The following LRRTM4 variants were observed in gnomAD, a reference collection of about 807,000 sequenced individuals.
The protein encoded by LRRTM4 is leucine-rich repeat transmembrane neuronal protein 4.
A neutral mutation model predicts 47.6 loss-of-function variants in LRRTM4; 25 were observed. That is an observed-to-expected ratio of 0.53 (90% CI 0.38 to 0.73). The LOEUF is 0.73. Ranked by LOEUF, LRRTM4 falls within the 30% of genes least tolerant of loss-of-function variation. The pLI is 0.00. For synonymous variants in LRRTM4, 311 were observed against 269.5 expected (o/e 1.15, Z -1.51); for missense variants, 638 against 713.4 (o/e 0.89, Z 1.20).
At chr2:77,477,679 T>TA (rs997125494) in intron 3 of LRRTM4, among the ~76,000 whole-genome samples, 9 of 150,516 alleles carry the variant, frequency 6.0e-5, no homozygotes, top group African/African-American at 1.9e-4. Context: ...CCGTCTCCAC[T>TA]AAAAAAAAGA....
intron 3 of LRRTM4, among the ~76,000 whole-genome samples, chr2:76,978,509 G>T (rs1179995248): frequency 1.3e-5 from 2 of 151,982 alleles, no homozygotes; most frequent in East Asian, 3.9e-4. Context: ...CTAGCTTAAG[G>T]CTATTGCATT....
intron 3 of LRRTM4, among the ~76,000 whole-genome samples, chr2:77,259,722 G>A (rs1675866959): frequency 6.6e-6 from 1 of 152,006 alleles, no homozygotes. Flanking sequence ...ATCCAGGAAT[G>A]GAGAAAAATG....
intron 3 of LRRTM4, among the ~76,000 whole-genome samples, chr2:76,932,220 T>C (rs1366007963): frequency 6.6e-6 from 1 of 152,096 alleles, no homozygotes; most frequent in Non-Finnish European, 1.5e-5. Context: ...AAACCTGAAA[T>C]GACTGAACCT....
intron 3 of LRRTM4, among the ~76,000 whole-genome samples, chr2:77,499,382 T>C (rs1243910192): frequency 6.6e-6 from 1 of 151,946 alleles, no homozygotes; most frequent in Non-Finnish European, 1.5e-5. Flanking sequence ...TCTAAGTCCC[T>C]GAGGTCACAT....
chr2:76,838,570 C>T (rs1671583429), intron 3 of LRRTM4, among the ~76,000 whole-genome samples: 1 of 152,012 alleles, frequency 6.6e-6, no homozygotes, highest in African/African-American at 2.4e-5. Flanking sequence ...TTCCCCCATC[C>T]CACCTCTATT....
At chr2:76,782,846 A>C (rs1674475569) in intron 3 of LRRTM4, among the ~76,000 whole-genome samples, 1 of 152,222 alleles carries the variant, frequency 6.6e-6, no homozygotes, top group East Asian at 1.9e-4. Flanking sequence ...ATTTTAAATT[A>C]GTTACGTATT....
intron 3 of LRRTM4, among the ~76,000 whole-genome samples, chr2:77,392,580 G>T (rs898742130): frequency 2.0e-5 from 3 of 152,004 alleles, no homozygotes; most frequent in Admixed American, 2.0e-4. Flanking sequence ...CAACATAGAT[G>T]AACCTGAATG....
chr2:77,391,916 G>C (rs531351756), intron 3 of LRRTM4, among the ~76,000 whole-genome samples: 2 of 151,840 alleles, frequency 1.3e-5, no homozygotes, highest in Admixed American at 6.6e-5. Flanking sequence ...ACTCTGGTAC[G>C]GCAACATATA....
chr2:77,517,594 G>A (rs565961054), intron 3 of LRRTM4: 49 of 983,606 alleles, frequency 5.0e-5, no homozygotes, highest in Non-Finnish European at 5.7e-5. Flanking sequence ...CTTTGAAATC[G>A]GATCTATATC....
chr2:77,522,084 GA>G (rs755235047), intron 1 of LRRTM4, 24 bp downstream of exon 1: 25 of 715,496 alleles, frequency 3.5e-5, no homozygotes, highest in Non-Finnish European at 6.0e-5. Context: ...AAAAAGAGAG[GA>G]AAAAAAGAAA....
At position 76,807,461 on chromosome 2, in the gene LRRTM4, TATATATATAC is replaced by T. The variant is rs1239010068; in HGVS notation, c.1552-58555_1552-58546del. ...ACGTATATACATATATATATATACATATATATATACATATATATATATATACATATATATA... is the reference window on the plus strand; with the variant it reads ...ACGTATATACATATATATATATACATATATATATATATATACATATATATA... On this transcript the variant is annotated intron_variant, in intron 3 of 3. Transcript: ENST00000409884. Among the ~76,000 whole-genome samples, 397 of 100,446 alleles carry T rather than the reference TATATATATAC, an allele frequency of 4.0e-3. 11 individuals carry two copies. Among genetic ancestry groups the T allele is most frequent in the East Asian group, 0.015 (39 of 2,682 alleles). 65.9% of individuals were successfully genotyped at this position (100,446 alleles called of 152,430 possible).
At position 77,054,937 on chromosome 2, in the gene LRRTM4, C is replaced by G. The variant is rs530607513; in HGVS notation, c.1552-306021G>C. 1.2e-4 allele frequency among the ~76,000 whole-genome samples: 19 copies of G among 152,234 alleles called. No individual in the cohort carries two copies. The South Asian group carries it at 3.9e-3, about 32-fold the overall frequency. On this transcript the variant is annotated intron_variant, in intron 3 of 3. Transcript: ENST00000409884. The stretch of plus-strand genomic sequence containing the variant: ...ACTTATTCATTTGCAACCTTTTCCC[C>G]AAACAATTTATTAGCAACCAGATCA...
chr2:76,910,567 CA>C (rs1361527079), intron 3 of LRRTM4, among the ~76,000 whole-genome samples: 1 of 152,086 alleles, frequency 6.6e-6, no homozygotes, highest in Non-Finnish European at 1.5e-5. Context: ...CTCATTATGT[CA>C]GGGATTGATG....
chr2:77,038,685 T>C (rs2104167138), intron 3 of LRRTM4, among the ~76,000 whole-genome samples: 1 of 151,604 alleles, frequency 6.6e-6, no homozygotes, highest in Middle Eastern at 3.4e-3. Flanking sequence ...CTTCTGCCAT[T>C]TTGCAAAGCC....
intron 3 of LRRTM4, among the ~76,000 whole-genome samples, chr2:76,950,464 T>A (rs903970407): frequency 4.7e-4 from 71 of 151,968 alleles, no homozygotes; most frequent in African/African-American, 1.7e-3. Context: ...TAAAGGGAGT[T>A]ATTTAAGAAA....
intron 3 of LRRTM4, among the ~76,000 whole-genome samples, chr2:76,760,825 G>C (rs945400666): frequency 6.6e-6 from 1 of 152,262 alleles, no homozygotes. Flanking sequence ...TGCTTTCTCA[G>C]CTGCTGCTGA....
chr2:76,800,621 A>G (rs1395018100), intron 3 of LRRTM4, among the ~76,000 whole-genome samples: 24 of 137,914 alleles, frequency 1.7e-4, no homozygotes, highest in Non-Finnish European at 3.5e-4. Flanking sequence ...ATTAAACTAA[A>G]GAGCTTCTGC....
intron 3 of LRRTM4, among the ~76,000 whole-genome samples, chr2:77,256,483 C>A (rs1432037989): frequency 1.3e-5 from 2 of 152,008 alleles, no homozygotes; most frequent in Admixed American, 6.6e-5. Context: ...GGGAGGGACC[C>A]AGTGGGAGGT....
At chr2:76,760,385 T>A (rs1318842427) in intron 3 of LRRTM4, among the ~76,000 whole-genome samples, 1 of 152,114 alleles carries the variant, frequency 6.6e-6, no homozygotes, top group Non-Finnish European at 1.5e-5. Context: ...AAATGCCATA[T>A]TGGAGATGTG....
Sources: allele counts gnomAD v4.1 joint callset (sites outside exome capture counted in the v4.1 genomes callset), GRCh38; gene constraint gnomAD v4.1.1; transcripts MANE v1.5; gene names NCBI Gene and HGNC (gene_info 2026-07-23, HGNC 2026-07-21).